PLCG2: variants seen among roughly 807,000 people sequenced by gnomAD.
The protein encoded by PLCG2 is phospholipase C gamma 2, also known as 1-phosphatidylinositol 4,5-bisphosphate phosphodiesterase gamma-2.
A neutral mutation model predicts 175.6 loss-of-function variants in PLCG2; 69 were observed. The ratio of observed to expected loss-of-function variants is 0.39; its 90% CI spans 0.32 to 0.48. PLCG2 has a LOEUF of 0.48. PLCG2 is among the 20% of genes least tolerant of loss of function. The pLI is 0.91. For missense variants in PLCG2, 1,798 were observed against 1,650.9 expected (o/e 1.09, Z -1.54); for synonymous variants, 827 against 624.0 (o/e 1.33, Z -4.85).
chr16:81,895,680 T>A, intron 12 of PLCG2, 127 bp from the exon 13 acceptor site: 2 of 1,008,444 alleles, frequency 2.0e-6, no homozygotes, highest in Non-Finnish European at 3.0e-6. Context: ...GTCCTCGTGT[T>A]GGCAGCCGAA....
At chr16:81,923,984 A>G (rs1910161481) in intron 22 of PLCG2, among the ~76,000 whole-genome samples, 1 of 152,338 alleles carries the variant, frequency 6.6e-6, no homozygotes, top group East Asian at 1.9e-4. Context: ...AAGTCACACA[A>G]ATAAATACTA....
chr16:81,887,867 A>G (rs980992007), intron 9 of PLCG2, among the ~76,000 whole-genome samples: 2 of 152,206 alleles, frequency 1.3e-5, no homozygotes, highest in Non-Finnish European at 2.9e-5. Context: ...AATATTATGC[A>G]TTCTTTTTTT....
Position 81,919,456 on chromosome 16 carries a change from T to C in PLCG2, c.2055-28T>C, listed in dbSNP as rs984310973. ...TTGTTTGGCCACCAGGATCTTGGCA[T>C]GTCAACCCTGTGTTCTTCCTGCTCC... On this transcript the variant is annotated intron_variant, in intron 19 of 32. Coordinates refer to ENST00000564138, the MANE Select transcript of PLCG2 (RefSeq NM_002661.5). 4 of 1,595,240 alleles carry C rather than the reference T, an allele frequency of 2.5e-6. No homozygotes were observed. In the African/African-American group the frequency reaches 4.0e-5, roughly 16 times the overall value.
chr16:81,801,453 G>C (rs192680305), intron 2 of PLCG2, among the ~76,000 whole-genome samples: 1 of 152,262 alleles, frequency 6.6e-6, no homozygotes, highest in East Asian at 1.9e-4. Flanking sequence ...GATTTTCCAT[G>C]TTGATGTAGC....
At chr16:81,932,755 G>C (rs1388548366) in intron 25 of PLCG2, among the ~76,000 whole-genome samples, 1 of 152,222 alleles carries the variant, frequency 6.6e-6, no homozygotes, top group Non-Finnish European at 1.5e-5. Context: ...CGCTGGTGGG[G>C]CATCGTCTTT....
At chr16:81,910,741 C>A in intron 18 of PLCG2, 21 bp downstream of exon 18, 2 of 1,599,474 alleles carry the variant, frequency 1.3e-6, no homozygotes, top group Non-Finnish European at 1.7e-6. Context: ...GAGGGTGGAG[C>A]AGGAGGCAGG....
intron 30 of PLCG2, among the ~76,000 whole-genome samples, chr16:81,941,793 C>T (rs1286725164): frequency 1.3e-5 from 2 of 151,692 alleles, no homozygotes; most frequent in African/African-American, 4.8e-5. Context: ...GCCTCAGCCT[C>T]CTCAGTAGCT....
chr16:81,954,340 C>G (rs1455569561), intron 31 of PLCG2, among the ~76,000 whole-genome samples: 5 of 152,092 alleles, frequency 3.3e-5, no homozygotes, highest in Admixed American at 3.3e-4. Context: ...CTTTTCTTTT[C>G]TTTTTCCTTT....
chr16:81,833,670 C>A (rs1338983456), intron 2 of PLCG2, among the ~76,000 whole-genome samples: 1 of 151,926 alleles, frequency 6.6e-6, no homozygotes, highest in Admixed American at 6.6e-5. Context: ...GCTGGGACCA[C>A]AGGCATGCAC....
intron 2 of PLCG2, among the ~76,000 whole-genome samples, chr16:81,809,191 C>A (rs1904297349): frequency 6.6e-6 from 1 of 152,156 alleles, no homozygotes; most frequent in Admixed American, 6.5e-5. Context: ...ATCCCCTCAG[C>A]ACACACCTCT....
At chr16:81,828,090 CAA>C (rs763973143) in intron 2 of PLCG2, among the ~76,000 whole-genome samples, 29 of 50,080 alleles carry the variant, frequency 5.8e-4, no homozygotes, top group African/African-American at 9.3e-4. Flanking sequence ...AACTCCGTCT[CAA>C]AAAAAAAAAA....
At chr16:81,926,633 AC>A (rs1403892515) in intron 22 of PLCG2, among the ~76,000 whole-genome samples, 1 of 151,398 alleles carries the variant, frequency 6.6e-6, no homozygotes, top group Non-Finnish European at 1.5e-5. Flanking sequence ...GGAAGCACTC[AC>A]GTTTATGCAT....
intron 4 of PLCG2, 79 bp downstream of exon 4, chr16:81,858,435 G>A: frequency 1.1e-6 from 1 of 944,266 alleles, no homozygotes; most frequent in Non-Finnish European, 1.6e-6. Context: ...GGGCTACAGG[G>A]GGGAAAAAAA....
intron 2 of PLCG2, among the ~76,000 whole-genome samples, chr16:81,786,567 C>T (rs940473686): frequency 3.3e-5 from 5 of 152,174 alleles, no homozygotes; most frequent in East Asian, 1.9e-4. Context: ...ATAGCTTGGT[C>T]GCCAAATGCT....
chr16:81,881,587 C>G (rs928142274), intron 8 of PLCG2, among the ~76,000 whole-genome samples: 1 of 152,190 alleles, frequency 6.6e-6, no homozygotes, highest in Non-Finnish European at 1.5e-5. Flanking sequence ...TTCCCTCTGT[C>G]ACTTTTGAAA....
At chr16:81,753,322 T>C (rs1048289444) in intron 1 of PLCG2, among the ~76,000 whole-genome samples, 4 of 150,388 alleles carry the variant, frequency 2.7e-5, no homozygotes, top group Admixed American at 1.3e-4. Flanking sequence ...AAGTTCAGCA[T>C]TGTGTTAAAG....
chr16:81,891,047 T>A (rs1301146856), intron 10 of PLCG2, among the ~76,000 whole-genome samples: 1 of 151,982 alleles, frequency 6.6e-6, no homozygotes, highest in South Asian at 2.1e-4. Context: ...CCTGTTATCC[T>A]AGCTGCTTGG....
intron 2 of PLCG2, among the ~76,000 whole-genome samples, chr16:81,853,906 T>A (rs1489768612): frequency 6.6e-6 from 1 of 151,932 alleles, no homozygotes. Flanking sequence ...AACGCTGGGG[T>A]TGGCCTCTTA....
intron 21 of PLCG2, among the ~76,000 whole-genome samples, chr16:81,923,054 T>C (rs922939340): frequency 2.0e-5 from 3 of 152,198 alleles, no homozygotes; most frequent in Non-Finnish European, 4.4e-5. Flanking sequence ...CTTGAGCTTC[T>C]GGGAGGCTTG....
Sources: allele counts gnomAD v4.1 joint callset (sites outside exome capture counted in the v4.1 genomes callset), GRCh38; gene constraint gnomAD v4.1.1; transcripts MANE v1.5; gene names NCBI Gene and HGNC (gene_info 2026-07-23, HGNC 2026-07-21).